The following SLITRK6 variants were observed in gnomAD, a reference collection of about 807,000 sequenced individuals.
SLITRK6 encodes SLIT and NTRK-like protein 6.
A neutral mutation model predicts 55.6 loss-of-function variants in SLITRK6; 35 were observed. The ratio of observed to expected loss-of-function variants is 0.63; its 90% CI spans 0.48 to 0.83. The LOEUF (loss-of-function observed/expected upper bound fraction) is 0.83. SLITRK6 is among the 40% of genes least tolerant of loss of function. The pLI, the probability that SLITRK6 is intolerant of heterozygous loss-of-function variation, is 0.00. For synonymous variants in SLITRK6, 392 were observed against 359.6 expected (o/e 1.09, Z -1.02); for missense variants, 977 against 986.4 (o/e 0.99, Z 0.13).
Position 85,794,851 on chromosome 13 carries a change from T to C in SLITRK6, c.1658A>G (p.Asp553Gly), listed in dbSNP as rs754222613. 3.7e-6 allele frequency: 6 copies of C among 1,612,998 alleles called. No homozygotes were observed. The highest frequency in any genetic ancestry group is 1.1e-5 in the South Asian group (1 of 91,078). The change falls in exon 2 of 2, where the codon GAC becomes GGC. Residue 553 changes from aspartate (D) to glycine (G), a missense_variant. By Grantham distance (94) the Asp-to-Gly change is moderately conservative. Transcript: ENST00000647374. ...ATTTAGGGCTTTCAATTCCTTTTTG[T>C]CGAGATGCCCGGGGGAAGTGCAGAG... ...DILCTSPGHL[D>G]KKELKALNSE...
At position 85,795,361 on chromosome 13, in the gene SLITRK6, A is replaced by T. The variant is rs762699049; in HGVS notation, c.1148T>A (p.Leu383Gln). The stretch of plus-strand genomic sequence containing the variant: ...CATTTCCAAAGTGAAATATTCCACT[A>T]GATCAGACTTCATTAAACTGTGAAT... ...NIIHSLMKSD[L>Q]VEYFTLEMLH... is the part of the protein sequence containing the mutation. The change falls in exon 2 of 2, where the codon CTA becomes CAA. Residue 383 changes from leucine to glutamine, a missense_variant. By Grantham distance (113) the Leu-to-Gln change is moderately radical. Transcript: ENST00000647374. 6.2e-7 allele frequency: 1 copy of T among 1,612,830 alleles called. No individual in the cohort carries two copies. The highest frequency in any genetic ancestry group is 1.1e-5 in the South Asian group (1 of 91,044).
At chr13:85,797,283 G>A (rs1235512472) in intron 1 of SLITRK6, among the ~76,000 whole-genome samples, 1 of 151,464 alleles carries the variant, frequency 6.6e-6, no homozygotes. Context: ...GTTTGTATAA[G>A]CGTAATAGTA....
chr13:85,796,538 A>G lies in SLITRK6; in HGVS notation c.-24-6T>C, dbSNP rs778232729. 1 of 1,497,600 alleles carries G rather than the reference A, an allele frequency of 6.7e-7. No homozygotes were observed. Among genetic ancestry groups the G allele is most frequent in the East Asian group, 2.3e-5 (1 of 43,186 alleles). 92.8% of individuals were successfully genotyped at this position (1,497,600 alleles called of 1,614,324 possible). On this transcript the variant is annotated splice_region_variant and splice_polypyrimidine_tract_variant and intron_variant, in intron 1 of 1. Transcript: ENST00000647374. ...TCATGTGATGAAATCCGATTCTGTA[A>G]AATAAAACGCAATAGCAAGGGACTT...
Position 85,794,644 on chromosome 13 carries a change from A to G in SLITRK6, c.1865T>C (p.Val622Ala). ...LGLLIMFITI[V>A]FCAAGIVVLV... ...AACCACTATCCCTGCAGCACAGAAA[A>G]CAATAGTGATGAACATAATCAGAAG... is the stretch of plus-strand genomic sequence containing the variant. The change falls in exon 2 of 2, where the codon GTT becomes GCT. Residue 622 changes from valine to alanine, a missense_variant. Transcript: ENST00000647374. The G allele has an allele frequency of 6.2e-7, 1 of 1,613,300 alleles. No homozygotes were observed. The highest frequency in any genetic ancestry group is 8.5e-7 in the Non-Finnish European group (1 of 1,179,564).
At chr13:85,796,855 C>A (rs1874742832) in intron 1 of SLITRK6, among the ~76,000 whole-genome samples, 1 of 151,488 alleles carries the variant, frequency 6.6e-6, no homozygotes, top group African/African-American at 2.4e-5. Context: ...GAGATGCTGC[C>A]TTAGAGCACT....
intron 1 of SLITRK6, among the ~76,000 whole-genome samples, 155 bp from the exon 2 acceptor site, chr13:85,796,687 CT>C (rs745384946): frequency 3.0e-4 from 43 of 145,590 alleles, no homozygotes; most frequent in Middle Eastern, 3.6e-3. Flanking sequence ...TCATTTGTTT[CT>C]TTTTTTTTTT....
rs1381536475 is a variant in SLITRK6, at chr13:85,795,903, A to G, written c.606T>C (p.Gly202=). 8.7e-6 allele frequency: 14 copies of G among 1,613,070 alleles called. No homozygotes were observed. In the South Asian group the frequency reaches 1.5e-4, roughly 18 times the overall value. The change falls in exon 2 of 2, where the codon GGT becomes GGC. Residue 202 remains glycine (G), a synonymous_variant. Coordinates refer to ENST00000647374, the MANE Select transcript of SLITRK6 (RefSeq NM_032229.3). ...ATATTCGGCCAATGTGTTCGAGAAAACCAACATAAGGCAATGTTTGTAATT... is the reference window on the plus strand; with the variant it reads ...ATATTCGGCCAATGTGTTCGAGAAAGCCAACATAAGGCAATGTTTGTAATT... The part of the protein sequence containing the change: ...GNQLQTLPYV[G]FLEHIGRILD...
rs1284959413 is a variant in SLITRK6, at chr13:85,793,905, C to T, written c.*78G>A. ...CTTAGGTTCTGATTGATGACACACTCACGTAAGGCACTTATTTACAAGGTA... is the reference window on the plus strand; with the variant it reads ...CTTAGGTTCTGATTGATGACACACTTACGTAAGGCACTTATTTACAAGGTA... On this transcript the variant is annotated 3_prime_UTR_variant, in exon 2 of 2. Transcript: ENST00000647374. 6.8e-7 allele frequency: 1 copy of T among 1,478,726 alleles called. No individual in the cohort carries two copies. The highest frequency in any genetic ancestry group is 1.4e-5 in the African/African-American group (1 of 70,648). The allele number at this position is 1,478,726 out of a possible 1,614,324, so 91.6% of individuals were successfully genotyped here.
At position 85,794,629 on chromosome 13, in the gene SLITRK6, C is replaced by T. The variant is rs1874643507; in HGVS notation, c.1880G>A (p.Gly627Glu). ...MFITIVFCAAGIVVLVLHRRR... is the reference protein window; with the variant it reads ...MFITIVFCAAEIVVLVLHRRR... Reference sequence around the variant, plus strand: ...GCGGTGAAGAACAAGAACCACTATCCCTGCAGCACAGAAAACAATAGTGAT... The same window carrying T: ...GCGGTGAAGAACAAGAACCACTATCTCTGCAGCACAGAAAACAATAGTGAT... Residue 627 changes from glycine (G) to glutamate (E), a missense_variant, in exon 2 of 2, where the codon GGG becomes GAG. Transcript: ENST00000647374. The T allele has an allele frequency of 6.2e-7, 1 of 1,613,048 alleles. No individual in the cohort carries two copies.
rs1448823079 is a variant in SLITRK6, at chr13:85,798,979, T to G, written c.-90A>C. On this transcript the variant is annotated 5_prime_UTR_variant, in exon 1 of 2. Transcript: ENST00000647374. ...CAGCTGGAAGAGGTGTTCAAAGTAATTCAATTCCTTTATTAAAAAAAAGAA... is the reference window on the plus strand; with the variant it reads ...CAGCTGGAAGAGGTGTTCAAAGTAAGTCAATTCCTTTATTAAAAAAAAGAA... The G allele has an allele frequency of 6.6e-6, 1 of 151,796 alleles. No individual in the cohort carries two copies. The highest frequency in any genetic ancestry group is 1.5e-5 in the Non-Finnish European group (1 of 67,922). 9.4% of individuals were successfully genotyped at this position (151,796 alleles called of 1,614,324 possible). A position where few individuals can be genotyped will look rare whatever the true frequency, so the allele number is the denominator to read the frequency against.
Position 85,795,211 on chromosome 13 carries a change from C to A in SLITRK6, c.1298G>T (p.Gly433Val), listed in dbSNP as rs749705571. ...LTKLSKGMFL[G>V]LHNLEYLYLE... Reference sequence around the variant, plus strand: ...ATATAAGTATTCAAGATTATGGAGACCAAGGAACATGCCTTTACTTAATTT... The same window carrying A: ...ATATAAGTATTCAAGATTATGGAGAACAAGGAACATGCCTTTACTTAATTT... The change falls in exon 2 of 2, where the codon GGT becomes GTT. Residue 433 changes from glycine to valine, a missense_variant. By Grantham distance (109) the Gly-to-Val change is moderately radical. Transcript: ENST00000647374. The A allele has an allele frequency of 6.2e-7, 1 of 1,612,178 alleles. No individual in the cohort carries two copies. Among genetic ancestry groups the A allele is most frequent in the African/African-American group, 1.3e-5 (1 of 74,726 alleles).
chr13:85,797,977 A>AG (rs1874772272), intron 1 of SLITRK6, among the ~76,000 whole-genome samples: 1 of 151,938 alleles, frequency 6.6e-6, no homozygotes, highest in Admixed American at 6.6e-5. Context: ...ATTCACAATC[A>AG]GGTAAAACAT....
intron 1 of SLITRK6, among the ~76,000 whole-genome samples, chr13:85,797,323 C>A (rs1874758167): frequency 6.6e-6 from 1 of 151,542 alleles, no homozygotes; most frequent in South Asian, 2.1e-4. Context: ...TGTGACCATT[C>A]AAATTTCACT....
chr13:85,796,114 A>C lies in SLITRK6; in HGVS notation c.395T>G (p.Phe132Cys), dbSNP rs751894212. ...GAATTCCAGGTTTTCCAGTCCATGG[A>C]AAGTATCCTCTTTAAGAATTTCTAA... The part of the protein sequence containing the change: ...NSLEILKEDT[F>C]HGLENLEFLQ... Residue 132 changes from phenylalanine (F) to cysteine (C), a missense_variant, in exon 2 of 2, where the codon TTC becomes TGC. Physicochemically the swap from Phe to Cys is radical, Grantham distance 205. Coordinates refer to ENST00000647374, the MANE Select transcript of SLITRK6 (RefSeq NM_032229.3). 17 of 1,612,400 alleles carry C rather than the reference A, an allele frequency of 1.1e-5. No individual in the cohort carries two copies. Among genetic ancestry groups the C allele is most frequent in the Admixed American group, 3.4e-5 (2 of 59,692 alleles).
At position 85,796,455 on chromosome 13, in the gene SLITRK6, T is replaced by C; in HGVS notation, c.54A>G (p.Leu18=). ...FYSSLLACIS[L]HSQTPVLSSR... ...ATGAGAGCACTGGAGTTTGGGAGTG[T>C]AAAGATATACAGGCAAGGAGAGATG... The change falls in exon 2 of 2, where the codon TTA becomes TTG. Residue 18 remains leucine, a synonymous_variant. Transcript: ENST00000647374. 1 of 1,599,894 alleles carries C rather than the reference T, an allele frequency of 6.3e-7. No homozygotes were observed. Among genetic ancestry groups the C allele is most frequent in the Non-Finnish European group, 8.5e-7 (1 of 1,175,082 alleles).
In SLITRK6 at chr13:85,796,300, C is replaced by T; in HGVS notation, c.209G>A (p.Ser70Asn). ...CATCGTCAAGCCGTTATTTAATAAG[C>T]TTAGTTGGAAAGGTCGTGATGGTGG... ...SVPPSRPFQLSLLNNGLTMLH... is the reference protein window; with the variant it reads ...SVPPSRPFQLNLLNNGLTMLH... The change falls in exon 2 of 2, where the codon AGC becomes AAC. Residue 70 changes from serine (S) to asparagine (N), a missense_variant. Physicochemically the swap from Ser to Asn is conservative, Grantham distance 46 (BLOSUM62 1). Coordinates refer to ENST00000647374, the MANE Select transcript of SLITRK6 (RefSeq NM_032229.3). 1 of 1,611,746 alleles carries T rather than the reference C, an allele frequency of 6.2e-7. No individual in the cohort carries two copies. Among genetic ancestry groups the T allele is most frequent in the Non-Finnish European group, 8.5e-7 (1 of 1,178,922 alleles).
rs1267143268 is a variant in SLITRK6, at chr13:85,795,666, T to C, written c.843A>G (p.Gly281=). ...PVYEEHEDPS[G]SLHLAATSSI... ...AAGATGTTGCTGCCAGATGTAATGA[T>C]CCTGAAGGATCCTCATGTTCTTCAT... Residue 281 remains glycine, a synonymous_variant, in exon 2 of 2, where the codon GGA becomes GGG. Coordinates refer to ENST00000647374, the MANE Select transcript of SLITRK6 (RefSeq NM_032229.3). The C allele has an allele frequency of 6.2e-7, 1 of 1,612,994 alleles. No homozygotes were observed. Among genetic ancestry groups the C allele is most frequent in the East Asian group, 2.2e-5 (1 of 44,840 alleles).
chr13:85,794,902 C>T lies in SLITRK6; in HGVS notation c.1607G>A (p.Ser536Asn), dbSNP rs953182165. 1 of 1,612,884 alleles carries T rather than the reference C, an allele frequency of 6.2e-7. No individual in the cohort carries two copies. The highest frequency in any genetic ancestry group is 1.3e-5 in the African/African-American group (1 of 74,830). Reference protein sequence around the residue: ...VGLQQWIQKLSKNTVTDDILC... With the variant: ...VGLQQWIQKLNKNTVTDDILC... The stretch of plus-strand genomic sequence containing the variant: ...GATGTCATCTGTCACTGTGTTCTTG[C>T]TTAACTTTTGTATCCATTGCTGCAG... The change falls in exon 2 of 2, where the codon AGC (serine) becomes AAC (asparagine). Residue 536 changes from serine (S) to asparagine (N), a missense_variant. Ser to Asn is a conservative substitution (Grantham distance 46, BLOSUM62 1). Transcript: ENST00000647374.
In SLITRK6 at chr13:85,793,266, CA is replaced by C. The variant is rs1262108289; in HGVS notation, c.*716del. The C allele has an allele frequency of 1.3e-5, 2 of 151,864 alleles. No individual in the cohort carries two copies. Among genetic ancestry groups the C allele is most frequent in the African/African-American group, 4.8e-5 (2 of 41,392 alleles). The allele number at this position is 151,864 out of a possible 1,614,324, so 9.4% of individuals were successfully genotyped here. A position where few individuals can be genotyped will look rare whatever the true frequency, so the allele number is the denominator to read the frequency against. On this transcript the variant is annotated 3_prime_UTR_variant, in exon 2 of 2. Coordinates refer to ENST00000647374, the MANE Select transcript of SLITRK6 (RefSeq NM_032229.3). ...ATACTTTAGTTCACAGCAGCACTGA[CA>C]TTAAAATTGTCTACACAAAATGTGT...
Sources: allele counts gnomAD v4.1 joint callset (sites outside exome capture counted in the v4.1 genomes callset), GRCh38; gene constraint gnomAD v4.1.1; transcripts MANE v1.5; gene names NCBI Gene and HGNC (gene_info 2026-07-23, HGNC 2026-07-21).